The following LDLRAD3 variants were observed in gnomAD, a reference collection of about 807,000 sequenced individuals.
LDLRAD3 encodes low density lipoprotein receptor class A domain containing 3.
Under a neutral mutation model 29.4 loss-of-function variants are expected in LDLRAD3, and 20 were observed. That is an observed-to-expected ratio of 0.68 (90% confidence interval 0.48 to 0.99). The LOEUF (loss-of-function observed/expected upper bound fraction) is 0.99, where lower values mean the gene tolerates loss of function less well. Ranked by LOEUF, LDLRAD3 falls within the 50% of genes least tolerant of loss-of-function variation. LDLRAD3 has a pLI of 0.00. For synonymous variants in LDLRAD3, 157 were observed against 192.7 expected (o/e 0.81, Z 1.53); for missense variants, 420 against 454.3 (o/e 0.92, Z 0.69).
intron 2 of LDLRAD3, among the ~76,000 whole-genome samples, chr11:36,081,057 A>T (rs1469898626): frequency 6.6e-6 from 1 of 152,168 alleles, no homozygotes; most frequent in Non-Finnish European, 1.5e-5. Flanking sequence ...CACTCTTGTT[A>T]GGTAGGGTGG....
chr11:36,191,242 C>G (rs1258163580), intron 4 of LDLRAD3, among the ~76,000 whole-genome samples: 1 of 151,996 alleles, frequency 6.6e-6, no homozygotes, highest in Non-Finnish European at 1.5e-5. Context: ...ATAGGAAGAA[C>G]TTGATAGGCC....
At chr11:36,014,433 G>A (rs1851994712) in intron 1 of LDLRAD3, among the ~76,000 whole-genome samples, 1 of 152,238 alleles carries the variant, frequency 6.6e-6, no homozygotes, top group African/African-American at 2.4e-5. Context: ...CCCAAGGAAT[G>A]GAAGCGGCTG....
At chr11:36,199,566 T>TAC (rs57161243) in intron 4 of LDLRAD3, among the ~76,000 whole-genome samples, 7,549 of 150,058 alleles carry the variant, frequency 0.05, 248 homozygotes, top group Non-Finnish European at 0.075. Context: ...GCTGTGGTTC[T>TAC]ACACACACAC....
At chr11:36,040,940 C>G (rs951502737) in intron 2 of LDLRAD3, among the ~76,000 whole-genome samples, 2 of 151,990 alleles carry the variant, frequency 1.3e-5, no homozygotes, top group African/African-American at 4.8e-5. Context: ...TCCCTTACCT[C>G]TAGTTACTAG....
At chr11:36,186,201 C>CTATGAAGTGG (rs895462839) in intron 4 of LDLRAD3, among the ~76,000 whole-genome samples, 6 of 152,176 alleles carry the variant, frequency 3.9e-5, no homozygotes, top group Non-Finnish European at 7.3e-5. Context: ...AGTTCCCCAT[C>CTATGAAGTGG]TATGAAGTGG....
At chr11:36,020,216 C>T (rs760499617) in intron 1 of LDLRAD3, among the ~76,000 whole-genome samples, 1 of 151,878 alleles carries the variant, frequency 6.6e-6, no homozygotes, top group Non-Finnish European at 1.5e-5. Context: ...GGTTGCCTCA[C>T]AGAAAATCCT....
chr11:35,977,668 A>C (rs1851492464), intron 1 of LDLRAD3, among the ~76,000 whole-genome samples: 1 of 152,136 alleles, frequency 6.6e-6, no homozygotes, highest in Non-Finnish European at 1.5e-5. Context: ...TAGACTGGGT[A>C]ATTTATAGAC....
chr11:36,086,550 C>T (rs1028400112), intron 3 of LDLRAD3, among the ~76,000 whole-genome samples: 2 of 152,104 alleles, frequency 1.3e-5, no homozygotes, highest in Admixed American at 1.3e-4. Flanking sequence ...TGAGTTCAGT[C>T]TTTGATGTGC....
At chr11:36,091,853 A>G (rs898011119) in intron 3 of LDLRAD3, among the ~76,000 whole-genome samples, 1 of 152,192 alleles carries the variant, frequency 6.6e-6, no homozygotes, top group African/African-American at 2.4e-5. Flanking sequence ...TGATCTGTTC[A>G]TTGAGCATTT....
intron 4 of LDLRAD3, among the ~76,000 whole-genome samples, chr11:36,190,223 AG>A (rs1341982120): frequency 7.2e-5 from 11 of 152,246 alleles, no homozygotes; most frequent in Non-Finnish European, 1.2e-4. Context: ...CCTCTTTTAA[AG>A]GACTAAACAG....
intron 1 of LDLRAD3, among the ~76,000 whole-genome samples, chr11:36,035,028 C>T (rs1852285247): frequency 3.9e-5 from 6 of 152,202 alleles, no homozygotes; most frequent in Admixed American, 2.6e-4. Context: ...CTGTGTGTGC[C>T]TTTCCAGCCT....
At chr11:36,175,423 C>T (rs570992740) in intron 4 of LDLRAD3, among the ~76,000 whole-genome samples, 2 of 152,180 alleles carry the variant, frequency 1.3e-5, no homozygotes, top group South Asian at 4.1e-4. Context: ...TGTGCTCTTT[C>T]AGACTTTTCA....
intron 4 of LDLRAD3, among the ~76,000 whole-genome samples, chr11:36,113,668 A>G (rs1286728294): frequency 7.0e-6 from 1 of 142,326 alleles, no homozygotes; most frequent in African/African-American, 2.7e-5. Flanking sequence ...ATCACATAGC[A>G]TCACTTTTTT....
At chr11:36,075,864 G>C (rs1446109116) in intron 2 of LDLRAD3, among the ~76,000 whole-genome samples, 3 of 152,112 alleles carry the variant, frequency 2.0e-5, no homozygotes, top group African/African-American at 7.2e-5. Flanking sequence ...TTTGTTGCTT[G>C]GATGGTTCTA....
chr11:36,003,095 A>G (rs1484466480), intron 1 of LDLRAD3, among the ~76,000 whole-genome samples: 1 of 152,226 alleles, frequency 6.6e-6, no homozygotes, highest in East Asian at 1.9e-4. Context: ...TTCCAAGTTT[A>G]ATTAAGCCAC....
intron 4 of LDLRAD3, among the ~76,000 whole-genome samples, chr11:36,190,393 A>C (rs1189457648): frequency 6.6e-6 from 1 of 152,164 alleles, no homozygotes; most frequent in Non-Finnish European, 1.5e-5. Flanking sequence ...CTAGCTACTC[A>C]GTTGGCTGAG....
chr11:36,200,814 A>G (rs1855116675), intron 4 of LDLRAD3, among the ~76,000 whole-genome samples: 1 of 152,206 alleles, frequency 6.6e-6, no homozygotes, highest in Admixed American at 6.5e-5. Context: ...AAATAATGAT[A>G]GATTTATATG....
intron 4 of LDLRAD3, among the ~76,000 whole-genome samples, chr11:36,205,653 C>T (rs1425716388): frequency 6.6e-6 from 1 of 152,170 alleles, no homozygotes; most frequent in African/African-American, 2.4e-5. Flanking sequence ...CCATTTGGGG[C>T]CTGTGCTGCT....
At chr11:36,112,457 T>A (rs1252462894) in intron 4 of LDLRAD3, among the ~76,000 whole-genome samples, 1 of 152,174 alleles carries the variant, frequency 6.6e-6, no homozygotes, top group African/African-American at 2.4e-5. Context: ...TTAATGTATG[T>A]TAAATTAGTT....
Sources: gnomAD v4.1 joint callset for allele counts (sites outside exome capture counted in the v4.1 genomes callset) on GRCh38, gnomAD v4.1.1 for gene constraint, MANE v1.5 for transcripts, NCBI Gene and HGNC (gene_info 2026-07-23, HGNC 2026-07-21) for gene names.